Variants in CCDC171 observed in about 807,000 individuals in gnomAD.
CCDC171 encodes coiled-coil domain containing 171, also known as coiled-coil domain-containing protein 171.
A neutral mutation model predicts 168.2 loss-of-function variants in CCDC171; 177 were observed. The ratio of observed to expected loss-of-function variants is 1.05; its 90% CI spans 0.93 to 1.19. CCDC171 has a LOEUF of 1.19. Among genes scored for constraint, CCDC171 ranks in the 50% most tolerant of loss-of-function variants. The pLI is 0.00. For missense variants in CCDC171, 1,991 were observed against 1,539.0 expected (o/e 1.29, Z -4.91); for synonymous variants, 687 against 540.8 (o/e 1.27, Z -3.75).
intron 21 of CCDC171, among the ~76,000 whole-genome samples, chr9:15,843,150 C>G (rs2060753792): frequency 6.6e-6 from 1 of 151,660 alleles, no homozygotes; most frequent in Non-Finnish European, 1.5e-5. Context: ...TCTTCCTTAA[C>G]AGAGAAAATG....
intron 4 of CCDC171, among the ~76,000 whole-genome samples, chr9:15,583,463 G>C (rs1490276380): frequency 6.6e-6 from 1 of 151,258 alleles, no homozygotes; most frequent in Non-Finnish European, 1.5e-5. Context: ...ATACTACTGA[G>C]CCATAAAAAG....
intron 24 of CCDC171, chr9:15,875,885 C>G (rs1817774469): frequency 6.6e-6 from 1 of 151,820 alleles, no homozygotes; most frequent in African/African-American, 2.4e-5. Context: ...GATTGCTGTA[C>G]TGTTATTTAA....
intron 6 of CCDC171, among the ~76,000 whole-genome samples, chr9:16,024,716 A>G (rs777133096): frequency 6.6e-6 from 1 of 152,250 alleles, no homozygotes; most frequent in Admixed American, 6.5e-5. Context: ...CAGGAATAGG[A>G]AAGTCATGTG....
chr9:15,751,243 A>G (rs1449278847), intron 18 of CCDC171, among the ~76,000 whole-genome samples: 1 of 152,222 alleles, frequency 6.6e-6, no homozygotes, highest in African/African-American at 2.4e-5. Context: ...GACCTCTTCA[A>G]GGAGAACTAC....
chr9:15,686,675 C>A (rs529328804), intron 10 of CCDC171, among the ~76,000 whole-genome samples: 15 of 152,180 alleles, frequency 9.9e-5, no homozygotes, highest in Non-Finnish European at 1.5e-4. Context: ...AGAGGGACAT[C>A]TCATGTTGTT....
chr9:15,712,117 A>G (rs2052715232), intron 11 of CCDC171, among the ~76,000 whole-genome samples: 1 of 152,234 alleles, frequency 6.6e-6, no homozygotes, highest in East Asian at 1.9e-4. Context: ...GCAGAGAGAA[A>G]GCATTCTTTC....
At chr9:15,965,530 G>A (rs1329273804) in intron 25 of CCDC171, among the ~76,000 whole-genome samples, 1 of 152,252 alleles carries the variant, frequency 6.6e-6, no homozygotes, top group East Asian at 1.9e-4. Context: ...TTCAACTGTA[G>A]AATGAAGATA....
intron 4 of CCDC171, among the ~76,000 whole-genome samples, chr9:15,581,768 A>C (rs566275197): frequency 3.9e-5 from 6 of 152,238 alleles, no homozygotes; most frequent in African/African-American, 1.4e-4. Flanking sequence ...TACACCTTAC[A>C]CAAAAATTAA....
At chr9:15,625,015 T>A (rs1453861457) in intron 7 of CCDC171, among the ~76,000 whole-genome samples, 1 of 152,200 alleles carries the variant, frequency 6.6e-6, no homozygotes, top group South Asian at 2.1e-4. Flanking sequence ...TTCTAACTGG[T>A]GTTAAGATGG....
intron 6 of CCDC171, among the ~76,000 whole-genome samples, chr9:15,605,130 C>T (rs892751145): frequency 6.6e-6 from 1 of 152,012 alleles, no homozygotes; most frequent in Non-Finnish European, 1.5e-5. Context: ...TTCCTGGGCT[C>T]AAGTGATCCT....
At chr9:15,649,498 A>C (rs11999384) in intron 7 of CCDC171, among the ~76,000 whole-genome samples, 69,617 of 151,970 alleles carry the variant, frequency 0.46, 16,212 homozygotes, top group Non-Finnish European at 0.51. Context: ...GAATCTACTC[A>C]TCTGACAAAG....
In CCDC171 at chr9:15,887,211, A is replaced by C. The variant is rs188613788; in HGVS notation, c.3600+12548A>C. Among the ~76,000 whole-genome samples the C allele has an allele frequency of 2.9e-3, 442 of 152,302 alleles. 2 individuals carry two copies. Among genetic ancestry groups the C allele is most frequent in the Middle Eastern group, 0.024 (7 of 294 alleles). On this transcript the variant is annotated intron_variant, in intron 24 of 25. Transcript: ENST00000380701. ...TTCACAAAGTATATATATATTAAAT[A>C]ATCACATTATATCCCTTAAATATAT...
intron 6 of CCDC171, among the ~76,000 whole-genome samples, chr9:15,620,426 G>A (rs946323953): frequency 6.6e-6 from 1 of 152,190 alleles, no homozygotes; most frequent in South Asian, 2.1e-4. Context: ...TTAGACTTCA[G>A]TGGAATAAGT....
At chr9:15,746,648 T>G (rs1024711431) in intron 18 of CCDC171, among the ~76,000 whole-genome samples, 1 of 152,176 alleles carries the variant, frequency 6.6e-6, no homozygotes, top group Non-Finnish European at 1.5e-5. Context: ...GATGGCCAAA[T>G]AGGAACAGCT....
intron 21 of CCDC171, among the ~76,000 whole-genome samples, chr9:15,839,864 G>A (rs9407661): frequency 0.52 from 79,163 of 151,930 alleles, 21,046 homozygotes; most frequent in Non-Finnish European, 0.56. Flanking sequence ...TTAATGCACA[G>A]AAAATCATCC....
At chr9:15,650,550 A>G (rs1235429696) in intron 7 of CCDC171, among the ~76,000 whole-genome samples, 1 of 152,154 alleles carries the variant, frequency 6.6e-6, no homozygotes, top group Non-Finnish European at 1.5e-5. Context: ...ACAAATGTCT[A>G]AGTCCTGTAC....
At chr9:15,648,919 G>A (rs989733059) in intron 7 of CCDC171, among the ~76,000 whole-genome samples, 11 of 152,106 alleles carry the variant, frequency 7.2e-5, no homozygotes, top group Non-Finnish European at 4.4e-5. Context: ...TATGAAACCA[G>A]AAAAGAGACC....
intron 25 of CCDC171, among the ~76,000 whole-genome samples, chr9:15,939,964 G>A (rs1827536058): frequency 6.6e-6 from 1 of 151,728 alleles, no homozygotes; most frequent in Non-Finnish European, 1.5e-5. Flanking sequence ...TATTTTATTT[G>A]TTTCATGACT....
chr9:15,577,343 G>T (rs1333887173), intron 3 of CCDC171, among the ~76,000 whole-genome samples: 1 of 152,028 alleles, frequency 6.6e-6, no homozygotes, highest in African/African-American at 2.4e-5. Context: ...TATCCCTCAG[G>T]CCTTGTAGTA....
Sources: allele counts gnomAD v4.1 joint callset (sites outside exome capture counted in the v4.1 genomes callset), GRCh38; gene constraint gnomAD v4.1.1; transcripts MANE v1.5; gene names NCBI Gene and HGNC (gene_info 2026-07-23, HGNC 2026-07-21).